SCD5: variants seen among roughly 807,000 people sequenced by gnomAD.
SCD5 encodes stearoyl-CoA desaturase 5, also known as acyl-CoA-desaturase 4.
A neutral mutation model predicts 30.4 loss-of-function variants in SCD5; 20 were observed. That is an observed-to-expected ratio of 0.66 (90% confidence interval 0.46 to 0.96). SCD5 has a LOEUF of 0.96. Ranked by LOEUF, SCD5 falls within the 40% of genes least tolerant of loss-of-function variation. The pLI is 0.00. For synonymous variants in SCD5, 173 were observed against 176.4 expected (o/e 0.98, Z 0.16); for missense variants, 381 against 443.3 (o/e 0.86, Z 1.26).
At chr4:82,766,869 C>T (rs866945444) in intron 1 of SCD5, among the ~76,000 whole-genome samples, 9 of 152,082 alleles carry the variant, frequency 5.9e-5, no homozygotes, top group Middle Eastern at 6.8e-3. Flanking sequence ...GTAGAGATGG[C>T]GTTTCACCAT....
intron 1 of SCD5, among the ~76,000 whole-genome samples, chr4:82,786,816 G>A (rs1365079924): frequency 6.8e-5 from 10 of 147,472 alleles, no homozygotes; most frequent in Non-Finnish European, 1.5e-5. Context: ...AAAAAACAAG[G>A]CAATCTTCAA....
chr4:82,772,878 T>C (rs910004406), intron 1 of SCD5, among the ~76,000 whole-genome samples: 1 of 152,184 alleles, frequency 6.6e-6, no homozygotes, highest in African/African-American at 2.4e-5. Flanking sequence ...GCCTGGCATC[T>C]AGTAGGTGCT....
chr4:82,770,415 T>TGCAGCTGATCATCCGCTTAACC (rs1420306725), intron 1 of SCD5, among the ~76,000 whole-genome samples: 5 of 152,232 alleles, frequency 3.3e-5, no homozygotes, highest in Admixed American at 6.5e-5. Flanking sequence ...GTTGATGAGT[T>TGCAGCTGATCATCCGCTTAACC]GCAGCTGATC....
rs555160920 is a variant in SCD5 at position 82,774,396 on chromosome 4, T to C, written c.232+23910A>G. Among the ~76,000 whole-genome samples the C allele has an allele frequency of 2.6e-5, 4 of 152,108 alleles. No individual in the cohort carries two copies. The South Asian group carries it at 8.3e-4, about 32-fold the overall frequency. On this transcript the variant is annotated intron_variant, in intron 1 of 4. Transcript: ENST00000319540. The stretch of plus-strand genomic sequence containing the variant: ...TAACAAAACAAGGTTATAGTATAAT[T>C]GCAGACAGTGAGACAAATTGTGCAT...
chr4:82,693,175 C>A (rs1452036507), intron 2 of SCD5, among the ~76,000 whole-genome samples: 2 of 152,096 alleles, frequency 1.3e-5, no homozygotes, highest in African/African-American at 4.8e-5. Context: ...GGTTTTCTGG[C>A]CAGAGTTGGC....
intron 1 of SCD5, among the ~76,000 whole-genome samples, chr4:82,742,742 GT>G (rs1407447031): frequency 6.6e-6 from 1 of 152,188 alleles, no homozygotes; most frequent in Non-Finnish European, 1.5e-5. Context: ...AGCTGAGATT[GT>G]GCCACTGCAC....
At chr4:82,757,054 C>T (rs899417025) in intron 1 of SCD5, among the ~76,000 whole-genome samples, 2 of 152,136 alleles carry the variant, frequency 1.3e-5, no homozygotes, top group Non-Finnish European at 2.9e-5. Context: ...CAAAACCCTT[C>T]CATGGCACCT....
chr4:82,793,584 G>A (rs1037355719), intron 1 of SCD5, among the ~76,000 whole-genome samples: 2 of 152,194 alleles, frequency 1.3e-5, no homozygotes, highest in African/African-American at 4.8e-5. Context: ...GCTGCCGGAA[G>A]ACTTTTTTTT....
chr4:82,757,925 G>C (rs1418322678), intron 1 of SCD5, among the ~76,000 whole-genome samples: 1 of 152,146 alleles, frequency 6.6e-6, no homozygotes, highest in East Asian at 1.9e-4. Flanking sequence ...ATCCATTAAC[G>C]GCTACGCCAA....
Position 82,630,829 on chromosome 4 carries a change from CA to C in SCD5, c.*497del, listed in dbSNP as rs1727274428. 6.7e-6 allele frequency: 1 copy of C among 148,810 alleles called. No homozygotes were observed. Among genetic ancestry groups the C allele is most frequent in the African/African-American group, 2.5e-5 (1 of 40,200 alleles). The allele number at this position is 148,810 out of a possible 1,614,324, so 9.2% of individuals were successfully genotyped here. On this transcript the variant is annotated 3_prime_UTR_variant, in exon 5 of 5. Coordinates refer to ENST00000319540, the MANE Select transcript of SCD5 (RefSeq NM_001037582.3). ...TCAAAAAAAAAAAAGTTTTTTTCGG[CA>C]GGGTGCGGTGGCTCACGCCTGTAAT...
chr4:82,735,997 T>C (rs1720742594), intron 1 of SCD5, among the ~76,000 whole-genome samples: 1 of 152,188 alleles, frequency 6.6e-6, no homozygotes, highest in Admixed American at 6.5e-5. Context: ...ACAAATTTAT[T>C]ATTCTTGGCC....
chr4:82,641,014 A>C (rs1377934414), intron 3 of SCD5, among the ~76,000 whole-genome samples: 1 of 152,164 alleles, frequency 6.6e-6, no homozygotes, highest in Non-Finnish European at 1.5e-5. Flanking sequence ...ATTTAATCAC[A>C]CTGAGCCTCA....
chr4:82,697,379 T>C (rs892348002), intron 2 of SCD5, among the ~76,000 whole-genome samples: 1 of 152,220 alleles, frequency 6.6e-6, no homozygotes. Flanking sequence ...GTTAGAAATA[T>C]ATCCACTGTA....
intron 3 of SCD5, among the ~76,000 whole-genome samples, chr4:82,673,719 A>C (rs12640549): frequency 0.13 from 20,341 of 152,136 alleles, 1,627 homozygotes; most frequent in East Asian, 0.4. Context: ...GAAGAAGAAC[A>C]AAGTTGGAAG....
chr4:82,764,765 T>G (rs1243565552), intron 1 of SCD5, among the ~76,000 whole-genome samples: 1 of 151,774 alleles, frequency 6.6e-6, no homozygotes, highest in Admixed American at 6.6e-5. Context: ...TCATTCTTGT[T>G]GCCCATGCTA....
At chr4:82,648,906 T>C (rs367995674) in intron 3 of SCD5, among the ~76,000 whole-genome samples, 1 of 152,172 alleles carries the variant, frequency 6.6e-6, no homozygotes, top group East Asian at 1.9e-4. Flanking sequence ...CGAAGATCTC[T>C]TTCTATGGAG....
Position 82,665,045 on chromosome 4 carries a change from C to CACACAT in SCD5, c.569+15661_569+15662insATGTGT, listed in dbSNP as rs3047047. Among the ~76,000 whole-genome samples the CACACAT allele has an allele frequency of 9.8e-3, 1,157 of 117,944 alleles. 48 individuals are homozygous for CACACAT. The highest frequency in any genetic ancestry group is 0.032 in the African/African-American group (808 of 25,586). 77.4% of individuals were successfully genotyped at this position (117,944 alleles called of 152,430 possible). A position where few individuals can be genotyped will look rare whatever the true frequency, so the allele number is the denominator to read the frequency against. ...TGTATAATACACACACACACACACA[C>CACACAT]ATATATACACACACACATATATATA... On this transcript the variant is annotated intron_variant, in intron 3 of 4. Coordinates refer to ENST00000319540, the MANE Select transcript of SCD5 (RefSeq NM_001037582.3).
chr4:82,672,923 A>G (rs1443574893), intron 3 of SCD5, among the ~76,000 whole-genome samples: 3 of 152,148 alleles, frequency 2.0e-5, no homozygotes, highest in Admixed American at 1.3e-4. Flanking sequence ...CTACCACATT[A>G]CAGGCTAAAG....
At chr4:82,766,921 G>A (rs1451997496) in intron 1 of SCD5, among the ~76,000 whole-genome samples, 7 of 151,844 alleles carry the variant, frequency 4.6e-5, no homozygotes, top group South Asian at 2.1e-4. Flanking sequence ...CAGGTGATCC[G>A]CCCACCTCGA....
Sources: gnomAD v4.1 joint callset for allele counts (sites outside exome capture counted in the v4.1 genomes callset) on GRCh38, gnomAD v4.1.1 for gene constraint, MANE v1.5 for transcripts, NCBI Gene and HGNC (gene_info 2026-07-23, HGNC 2026-07-21) for gene names.